Variants in ALPG observed in about 807,000 individuals in gnomAD.
ALPG encodes the protein alkaline phosphatase, germ cell, also known as alkaline phosphatase, germ cell type.
ALPG carries 32 observed loss-of-function variants against 48.6 expected under a neutral mutation model. That is an observed-to-expected ratio of 0.66 (90% CI 0.50 to 0.88). The LOEUF is 0.88. Among genes scored for constraint, ALPG ranks in the 40% least tolerant of loss-of-function variants. ALPG has a pLI of 0.00. For missense variants in ALPG, 533 were observed against 718.1 expected (o/e 0.74, Z 2.95); for synonymous variants, 244 against 308.9 (o/e 0.79, Z 2.20).
At position 232,409,329 on chromosome 2, in the gene ALPG, C is replaced by G. The variant is rs200776172; in HGVS notation, c.1184-3C>G. On this transcript the variant is annotated splice_region_variant and splice_polypyrimidine_tract_variant and intron_variant, in intron 9 of 10. Transcript: ENST00000295453. ...TCAACCACAGGGACCCCTCTCTCTG[C>G]AGGGCTGGCCCCTGGCAAGGCCCGG... The G allele has an allele frequency of 6.7e-7, 1 of 1,488,842 alleles. No individual in the cohort carries two copies. 92.2% of individuals were successfully genotyped at this position (1,488,842 alleles called of 1,614,324 possible).
rs536268368 is a variant in ALPG at position 232,409,204 on chromosome 2, C to T, written c.1183+92C>T. On this transcript the variant is annotated intron_variant, in intron 9 of 10. Transcript: ENST00000295453. ...CCTCCTCTGTCAAATGGGAGTAATGCTGGCACCAGCCCTGTAGGGTCTCCT... is the reference window on the plus strand; with the variant it reads ...CCTCCTCTGTCAAATGGGAGTAATGTTGGCACCAGCCCTGTAGGGTCTCCT... The T allele has an allele frequency of 8.9e-3, 13,816 of 1,549,178 alleles. 82 individuals carry two copies. Among genetic ancestry groups the T allele is most frequent in the Non-Finnish European group, 0.011 (12,074 of 1,140,236 alleles).
chr2:232,407,834 A>G lies in ALPG; in HGVS notation c.476-11A>G, dbSNP rs773840783. 11 of 1,613,410 alleles carry G rather than the reference A, an allele frequency of 6.8e-6. No homozygotes were observed. Among genetic ancestry groups the G allele is most frequent in the Admixed American group, 6.7e-5 (4 of 60,006 alleles). Reference sequence around the variant, plus strand: ...ACCTCTATCGCATATCCTGACCTCTATCACCCTCAGGAAAGTCAGTGGGAG... The same window carrying G: ...ACCTCTATCGCATATCCTGACCTCTGTCACCCTCAGGAAAGTCAGTGGGAG... On this transcript the variant is annotated splice_polypyrimidine_tract_variant and intron_variant, in intron 4 of 10. Transcript: ENST00000295453.
chr2:232,407,603 G>A lies in ALPG; in HGVS notation c.310G>A (p.Val104Ile), dbSNP rs150524748. The A allele has an allele frequency of 1.9e-6, 3 of 1,613,782 alleles. No homozygotes were observed. In the African/African-American group the frequency reaches 4.0e-5, roughly 22 times the overall value. ...GTGTCTCTGTCCCCAGACATACAGT[G>A]TAGACAAGCATGTGCCAGACAGTGG... is the stretch of plus-strand genomic sequence containing the variant. ...PYVALSKTYS[V>I]DKHVPDSGAT... is the part of the protein sequence containing the mutation. Residue 104 changes from valine to isoleucine, a missense_variant, in exon 4 of 11, where the codon GTA (valine) becomes ATA (isoleucine). By Grantham distance (29) the Val-to-Ile change is conservative. Coordinates refer to ENST00000295453, the MANE Select transcript of ALPG (RefSeq NM_031313.3).
At position 232,407,382 on chromosome 2, in the gene ALPG, C is replaced by G. The variant is rs745476240; in HGVS notation, c.281C>G (p.Pro94Arg). 6.2e-7 allele frequency: 1 copy of G among 1,613,736 alleles called. No individual in the cohort carries two copies. The highest frequency in any genetic ancestry group is 8.5e-7 in the Non-Finnish European group (1 of 1,179,986). Reference sequence around the variant, plus strand: ...ACCTTCCTGGCCATGGACCGCTTCCCGTACGTGGCTCTGTCCAAGGTAAGT... The same window carrying G: ...ACCTTCCTGGCCATGGACCGCTTCCGGTACGTGGCTCTGTCCAAGGTAAGT... Reference protein sequence around the residue: ...PETFLAMDRFPYVALSKTYSV... With the variant: ...PETFLAMDRFRYVALSKTYSV... The change falls in exon 3 of 11, where the codon CCG (proline) becomes CGG (arginine). Residue 94 changes from proline to arginine, a missense_variant. Pro to Arg is a moderately radical substitution (Grantham distance 103). Transcript: ENST00000295453.
chr2:232,407,867 C>G lies in ALPG; in HGVS notation c.498C>G (p.Thr166=), dbSNP rs752886217. The G allele has an allele frequency of 6.2e-7, 1 of 1,613,504 alleles. No homozygotes were observed. The highest frequency in any genetic ancestry group is 1.1e-5 in the South Asian group (1 of 90,982). The change falls in exon 5 of 11, where the codon ACC becomes ACG. Residue 166 remains threonine, a synonymous_variant. Coordinates refer to ENST00000295453, the MANE Select transcript of ALPG (RefSeq NM_031313.3). ...KKAGKSVGVV[T]TTRVQHASPA... ...CAGGAAAGTCAGTGGGAGTGGTAAC[C>G]ACCACACGGGTGCAGCATGCCTCGC...
In ALPG at chr2:232,407,969, G is replaced by C; in HGVS notation, c.600G>C (p.Glu200Asp). The stretch of plus-strand genomic sequence containing the variant: ...ACGTGCCTGCCTCGGCCCGCCAGGA[G>C]GGGTGCCAGGACATCGCCACGCAGC... ...DADVPASARQEGCQDIATQLI... is the reference protein window; with the variant it reads ...DADVPASARQDGCQDIATQLI... Residue 200 changes from glutamate to aspartate, a missense_variant, in exon 5 of 11, where the codon GAG becomes GAC. Glu to Asp is a conservative substitution (Grantham distance 45). Transcript: ENST00000295453. The C allele has an allele frequency of 1.2e-6, 2 of 1,613,116 alleles. No individual in the cohort carries two copies. Among genetic ancestry groups the C allele is most frequent in the Non-Finnish European group, 1.7e-6 (2 of 1,179,866 alleles).
rs1020010556 is a variant in ALPG at position 232,410,131 on chromosome 2, GA to G, written c.*263del. 3 of 604,620 alleles carry G rather than the reference GA, an allele frequency of 5.0e-6. No homozygotes were observed. Among genetic ancestry groups the G allele is most frequent in the Non-Finnish European group, 8.5e-6 (3 of 351,342 alleles). The allele number at this position is 604,620 out of a possible 1,614,324, so 37.5% of individuals were successfully genotyped here. On this transcript the variant is annotated 3_prime_UTR_variant, in exon 11 of 11. Coordinates refer to ENST00000295453, the MANE Select transcript of ALPG (RefSeq NM_031313.3). ...TGCCTGGCAGCTGCCTGCATTTCAGGAAAAGAGGAGGCTCAGACCATCCAGC... is the reference window on the plus strand; with the variant it reads ...TGCCTGGCAGCTGCCTGCATTTCAGGAAAGAGGAGGCTCAGACCATCCAGC...
At position 232,409,811 on chromosome 2, in the gene ALPG, C is replaced by G. The variant is rs1354829104; in HGVS notation, c.1538C>G (p.Pro513Arg). 1 of 1,593,388 alleles carries G rather than the reference C, an allele frequency of 6.3e-7. No homozygotes were observed. The highest frequency in any genetic ancestry group is 1.3e-5 in the African/African-American group (1 of 74,490). Residue 513 changes from proline (P) to arginine (R), a missense_variant, in exon 11 of 11, where the codon CCC becomes CGC. Physicochemically the swap from Pro to Arg is moderately radical, Grantham distance 103. Transcript: ENST00000295453. ...GCGCACCCGGGGCCGTCCGTGGTCC[C>G]CGCGTTGCTTCCTCTGCTGGCAGGG... ...DAAHPGPSVV[P>R]ALLPLLAGTL...
Position 232,408,494 on chromosome 2 carries a change from C to T in ALPG, c.784-7C>T, listed in dbSNP as rs559643693. On this transcript the variant is annotated splice_region_variant and splice_polypyrimidine_tract_variant and intron_variant, in intron 6 of 10. Transcript: ENST00000295453. ...GGGCTGAGGCCTGGCTCTCTCCCTC[C>T]CCGCAGGGTGCCCGGTACGTGTGGA... is the stretch of plus-strand genomic sequence containing the variant. 6.3e-7 allele frequency: 1 copy of T among 1,593,144 alleles called. No homozygotes were observed.
chr2:232,409,735 G>A lies in ALPG; in HGVS notation c.1462G>A (p.Glu488Lys). Residue 488 changes from glutamate (E) to lysine (K), a missense_variant, in exon 11 of 11, where the codon GAG becomes AAG. Physicochemically the swap from Glu to Lys is moderately conservative, Grantham distance 56 (BLOSUM62 1). Around this residue, in one of 6 missense-constraint regions of ALPG, gnomAD observed 145 missense variants for 174.3 expected, o/e 0.83. Transcript: ENST00000295453. ...AHVMAFAACL[E>K]PYTACDLAPR... is the part of the protein sequence containing the mutation. The stretch of plus-strand genomic sequence containing the variant: ...CGTCATGGCCTTCGCCGCCTGCCTG[G>A]AGCCCTACACCGCCTGCGACCTGGC... The A allele has an allele frequency of 1.9e-6, 3 of 1,610,104 alleles. No homozygotes were observed. The highest frequency in any genetic ancestry group is 2.5e-6 in the Non-Finnish European group (3 of 1,178,702).
rs1202805890 is a variant in ALPG at position 232,409,658 on chromosome 2, G to A, written c.1385G>A (p.Gly462Asp). 6.2e-7 allele frequency: 1 copy of A among 1,611,490 alleles called. No individual in the cohort carries two copies. Among genetic ancestry groups the A allele is most frequent in the Non-Finnish European group, 8.5e-7 (1 of 1,179,242 alleles). The change falls in exon 11 of 11, where the codon GGC (glycine) becomes GAC (aspartate). Residue 462 changes from glycine (G) to aspartate (D), a missense_variant. By Grantham distance (94) the Gly-to-Asp change is moderately conservative. Coordinates refer to ENST00000295453, the MANE Select transcript of ALPG (RefSeq NM_031313.3). The stretch of plus-strand genomic sequence containing the variant: ...GAGGACGTGGCGGTGTTCGCGCGCG[G>A]CCCGCAGGCGCACCTGGTTCACGGC... ...AGEDVAVFAR[G>D]PQAHLVHGVQ...
intron 3 of ALPG, 62 bp from the exon 4 acceptor site, chr2:232,407,532 G>A: frequency 6.2e-7 from 1 of 1,606,876 alleles, no homozygotes; most frequent in Non-Finnish European, 8.5e-7. Flanking sequence ...AATCCCAGAG[G>A]ACAGAGATCA....
At position 232,410,197 on chromosome 2, in the gene ALPG, C is replaced by A. The variant is rs1697164634; in HGVS notation, c.*325C>A. The A allele has an allele frequency of 1.3e-5, 6 of 448,492 alleles. No homozygotes were observed. Among genetic ancestry groups the A allele is most frequent in the Non-Finnish European group, 2.4e-5 (6 of 252,770 alleles). 27.8% of individuals were successfully genotyped at this position (448,492 alleles called of 1,614,324 possible). A position where few individuals can be genotyped will look rare whatever the true frequency, so the allele number is the denominator to read the frequency against. On this transcript the variant is annotated 3_prime_UTR_variant, in exon 11 of 11. Transcript: ENST00000295453. ...TGAGGTGGATCAGGCAGGCTCTCTC[C>A]CCGGGGACATGAGGCACCCATACCT...
Position 232,407,086 on chromosome 2 carries a change from C to A in ALPG, c.97C>A (p.Arg33Ser). ...VEEENPDFWNRQAAEALGAAK... is the reference protein window; with the variant it reads ...VEEENPDFWNSQAAEALGAAK... ...GGAGGAGAACCCGGACTTCTGGAAC[C>A]GCCAGGCAGCCGAGGCCCTGGGTGC... Residue 33 changes from arginine to serine, a missense_variant, in exon 2 of 11, where the codon CGC becomes AGC. By Grantham distance (110) the Arg-to-Ser change is moderately radical (BLOSUM62 -1). Coordinates refer to ENST00000295453, the MANE Select transcript of ALPG (RefSeq NM_031313.3). 1 of 1,613,830 alleles carries A rather than the reference C, an allele frequency of 6.2e-7. No individual in the cohort carries two copies. The highest frequency in any genetic ancestry group is 8.5e-7 in the Non-Finnish European group (1 of 1,179,978).
At position 232,407,936 on chromosome 2, in the gene ALPG, G is replaced by A. The variant is rs772670586; in HGVS notation, c.567G>A (p.Ser189=). The change falls in exon 5 of 11, where the codon TCG becomes TCA. Residue 189 remains serine, a synonymous_variant. Coordinates refer to ENST00000295453, the MANE Select transcript of ALPG (RefSeq NM_031313.3). Reference sequence around the variant, plus strand: ...ACACGGTGAACCGCAACTGGTACTCGGATGCCGACGTGCCTGCCTCGGCCC... The same window carrying A: ...ACACGGTGAACCGCAACTGGTACTCAGATGCCGACGTGCCTGCCTCGGCCC... ...YAHTVNRNWY[S]DADVPASARQ... 6.2e-6 allele frequency: 10 copies of A among 1,613,316 alleles called. No individual in the cohort carries two copies. The highest frequency in any genetic ancestry group is 1.6e-4 in the Middle Eastern group (1 of 6,064).
At position 232,409,315 on chromosome 2, in the gene ALPG, G is replaced by A; in HGVS notation, c.1184-17G>A. Reference sequence around the variant, plus strand: ...CAGCTGTGTTCAGCTCAACCACAGGGACCCCTCTCTCTGCAGGGCTGGCCC... The same window carrying A: ...CAGCTGTGTTCAGCTCAACCACAGGAACCCCTCTCTCTGCAGGGCTGGCCC... On this transcript the variant is annotated splice_polypyrimidine_tract_variant and intron_variant, in intron 9 of 10. Coordinates refer to ENST00000295453, the MANE Select transcript of ALPG (RefSeq NM_031313.3). The A allele has an allele frequency of 3.6e-6, 5 of 1,372,124 alleles. No homozygotes were observed. The highest frequency in any genetic ancestry group is 5.2e-6 in the Non-Finnish European group (5 of 967,528). 85.0% of individuals were successfully genotyped at this position (1,372,124 alleles called of 1,614,324 possible).
At chr2:232,407,201 C>G in intron 2 of ALPG, 28 bp downstream of exon 2, 1 of 1,613,966 alleles carries the variant, frequency 6.2e-7, no homozygotes, top group Non-Finnish European at 8.5e-7. Context: ...TCCAGCCCCG[C>G]AGCCCTCACA....
In ALPG at chr2:232,410,447, C is replaced by A. The variant is rs1298966042; in HGVS notation, c.*575C>A. On this transcript the variant is annotated 3_prime_UTR_variant, in exon 11 of 11. Coordinates refer to ENST00000295453, the MANE Select transcript of ALPG (RefSeq NM_031313.3). ...TACACCCCTGTGCCCCTCCTAGGGGCCCATGAGTCAGAGAGGCTTGCCCCA... is the reference window on the plus strand; with the variant it reads ...TACACCCCTGTGCCCCTCCTAGGGGACCATGAGTCAGAGAGGCTTGCCCCA... 6.3e-6 allele frequency: 1 copy of A among 157,502 alleles called. No homozygotes were observed. The highest frequency in any genetic ancestry group is 2.4e-5 in the African/African-American group (1 of 41,474). 9.8% of individuals were successfully genotyped at this position (157,502 alleles called of 1,614,324 possible).
Position 232,407,122 on chromosome 2 carries a change from C to T in ALPG, c.133C>T (p.Leu45=). The T allele has an allele frequency of 6.2e-7, 1 of 1,613,988 alleles. No individual in the cohort carries two copies. The change falls in exon 2 of 11, where the codon CTG becomes TTG. Residue 45 remains leucine (L), a synonymous_variant. Coordinates refer to ENST00000295453, the MANE Select transcript of ALPG (RefSeq NM_031313.3). The part of the protein sequence containing the change: ...AAEALGAAKK[L]QPAQTAAKNL... ...CGAGGCCCTGGGTGCCGCCAAGAAG[C>T]TGCAGCCTGCACAGACAGCCGCCAA...
Sources: allele counts gnomAD v4.1 joint callset, GRCh38; gene constraint gnomAD v4.1.1; regional missense constraint gnomAD v4.1.1; transcripts MANE v1.5; gene names NCBI Gene and HGNC (gene_info 2026-07-23, HGNC 2026-07-21).